The following MBP variants were observed in gnomAD, a reference collection of about 807,000 sequenced individuals.
The protein encoded by MBP is Golli-MBP.
Under a neutral mutation model 35.8 loss-of-function variants are expected in MBP, and 16 were observed. That is an observed-to-expected ratio of 0.45 (90% confidence interval 0.30 to 0.68). The LOEUF (loss-of-function observed/expected upper bound fraction) is 0.68. Ranked by LOEUF, MBP falls within the 30% of genes least tolerant of loss-of-function variation. The pLI is 0.08. For synonymous variants in MBP, 143 were observed against 159.6 expected, an observed-to-expected ratio of 0.90 and a Z score of 0.78; for missense variants, 380 against 404.7, an observed-to-expected ratio of 0.94 and a Z score of 0.52.
chr18:77,061,800 C>T (rs1973995391), intron 3 of MBP, among the ~76,000 whole-genome samples: 1 of 152,218 alleles, frequency 6.6e-6, no homozygotes, highest in Admixed American at 6.5e-5. Context: ...AACACGCACA[C>T]ACCAATATAT....
At chr18:76,996,517 C>A (rs1184057611) in intron 4 of MBP, among the ~76,000 whole-genome samples, 3 of 152,196 alleles carry the variant, frequency 2.0e-5, no homozygotes, top group Non-Finnish European at 1.5e-5. Context: ...TGTGCTGTAT[C>A]CAGGCATGAA....
At chr18:77,002,350 G>A (rs745886698) in intron 4 of MBP, among the ~76,000 whole-genome samples, 22 of 152,234 alleles carry the variant, frequency 1.4e-4, no homozygotes, top group African/African-American at 5.3e-4. Context: ...TGTCATTGCA[G>A]AATGACACGT....
Position 77,029,012 on chromosome 18 carries a change from G to A in MBP, c.140-11744C>T, listed in dbSNP as rs1416513271. Among the ~76,000 whole-genome samples the A allele has an allele frequency of 3.6e-5, 4 of 110,022 alleles. 1 individual carries two copies. Among genetic ancestry groups the A allele is most frequent in the African/African-American group, 1.1e-4 (4 of 38,002 alleles). 72.2% of individuals were successfully genotyped at this position (110,022 alleles called of 152,430 possible). A position where few individuals can be genotyped will look rare whatever the true frequency, so the allele number is the denominator to read the frequency against. On this transcript the variant is annotated intron_variant, in intron 3 of 8. Coordinates refer to ENST00000355994, the MANE Select transcript of MBP (RefSeq NM_001025101.2). The stretch of plus-strand genomic sequence containing the variant: ...CTCCTCACTTCCCAGACGGGGTGGC[G>A]GCCGGGCAGAGGCTGCAATCTCGGC...
chr18:77,013,869 G>C (rs1971480587), intron 4 of MBP: 2 of 985,308 alleles, frequency 2.0e-6, no homozygotes, highest in African/African-American at 3.5e-5. Context: ...AAAAAGGAAG[G>C]AACGGTTTCC....
At chr18:77,090,144 G>T (rs2145013158) in intron 2 of MBP, among the ~76,000 whole-genome samples, 1 of 152,330 alleles carries the variant, frequency 6.6e-6, no homozygotes, top group Non-Finnish European at 1.5e-5. Flanking sequence ...TTAAACGAAG[G>T]TGTAAACTGG....
chr18:77,051,113 A>G (rs987659552), intron 3 of MBP, among the ~76,000 whole-genome samples: 1 of 152,216 alleles, frequency 6.6e-6, no homozygotes, highest in African/African-American at 2.4e-5. Context: ...AGATTCTATT[A>G]TCTAGGTGGG....
chr18:77,027,296 G>A (rs887617981), intron 3 of MBP, among the ~76,000 whole-genome samples: 1 of 152,202 alleles, frequency 6.6e-6, no homozygotes, highest in African/African-American at 2.4e-5. Flanking sequence ...GAAAGGCTAT[G>A]GAATACACTT....
At chr18:77,056,139 G>GC (rs76996813) in intron 3 of MBP, among the ~76,000 whole-genome samples, 15,313 of 152,238 alleles carry the variant, frequency 0.1, 1,031 homozygotes, top group Middle Eastern at 0.16. Context: ...GACCCCGTGC[G>GC]CCCGGGGCTG....
At chr18:77,103,235 A>G (rs1487997497) in intron 2 of MBP, among the ~76,000 whole-genome samples, 1 of 152,222 alleles carries the variant, frequency 6.6e-6, no homozygotes, top group Non-Finnish European at 1.5e-5. Flanking sequence ...TTCCAAGTTT[A>G]TTATTACTAT....
chr18:77,060,174 C>T (rs1365063964), intron 3 of MBP, among the ~76,000 whole-genome samples: 1 of 152,172 alleles, frequency 6.6e-6, no homozygotes, highest in Non-Finnish European at 1.5e-5. Context: ...TTTTCTCTAA[C>T]CTCCTGCCCT....
intron 1 of MBP, among the ~76,000 whole-genome samples, chr18:77,116,249 G>C (rs991842287): frequency 6.6e-6 from 1 of 152,208 alleles, no homozygotes; most frequent in Non-Finnish European, 1.5e-5. Flanking sequence ...GCAATGTGTG[G>C]TCATTAACCT....
chr18:77,112,169 GCACACACA>G (rs6146398), intron 1 of MBP, among the ~76,000 whole-genome samples: 6 of 150,874 alleles, frequency 4.0e-5, no homozygotes, highest in East Asian at 2.0e-4. Context: ...CCGTGCACAC[GCACACACA>G]CACACACACA....
rs1171090301 is a variant in MBP, at chr18:77,028,609, C to T, written c.140-11341G>A. On this transcript the variant is annotated intron_variant, in intron 3 of 8. Transcript: ENST00000355994. ...TCACCTCCCGGACGGGGCGGCTGGCCGGGCGGGGGGCTGACCCCCCCCCAC... is the reference window on the plus strand; with the variant it reads ...TCACCTCCCGGACGGGGCGGCTGGCTGGGCGGGGGGCTGACCCCCCCCCAC... Among the ~76,000 whole-genome samples the T allele has an allele frequency of 1.9e-3, 142 of 73,652 alleles. 18 individuals are homozygous for T. The highest frequency in any genetic ancestry group is 4.5e-3 in the African/African-American group (122 of 27,032). 48.3% of individuals were successfully genotyped at this position (73,652 alleles called of 152,430 possible). A position where few individuals can be genotyped will look rare whatever the true frequency, so the allele number is the denominator to read the frequency against.
chr18:77,017,393 A>G, intron 3 of MBP, 125 bp from the exon 4 acceptor site: 1 of 849,252 alleles, frequency 1.2e-6, no homozygotes, highest in Non-Finnish European at 1.6e-6. Context: ...TGCAGTCCTC[A>G]TAAAGCCCTT....
At chr18:77,022,332 A>G (rs1474355539) in intron 3 of MBP, among the ~76,000 whole-genome samples, 1 of 152,144 alleles carries the variant, frequency 6.6e-6, no homozygotes, top group Non-Finnish European at 1.5e-5. Flanking sequence ...TGTGCCTGAA[A>G]AATAGGTCAC....
At chr18:77,019,131 G>C (rs900060701) in intron 3 of MBP, among the ~76,000 whole-genome samples, 6 of 152,000 alleles carry the variant, frequency 3.9e-5, no homozygotes, top group Non-Finnish European at 8.8e-5. Flanking sequence ...AAATATCTGA[G>C]TTACAGTGAT....
intron 1 of MBP, among the ~76,000 whole-genome samples, chr18:77,128,489 T>C (rs984803880): frequency 1.3e-5 from 2 of 150,380 alleles, no homozygotes; most frequent in African/African-American, 2.5e-5. Context: ...ACATGGGTGA[T>C]AAAATTACAG....
chr18:77,027,240 A>G (rs1568299963), intron 3 of MBP, among the ~76,000 whole-genome samples: 1 of 152,230 alleles, frequency 6.6e-6, no homozygotes, highest in South Asian at 2.1e-4. Context: ...TAATTTCACA[A>G]AAGAATTTTG....
intron 4 of MBP, among the ~76,000 whole-genome samples, chr18:76,993,237 G>A (rs1447573438): frequency 2.0e-5 from 3 of 152,186 alleles, no homozygotes; most frequent in Non-Finnish European, 2.9e-5. Flanking sequence ...GAGAGGTTTT[G>A]AATGCATGAG....
Sources: gnomAD v4.1 joint callset for allele counts (sites outside exome capture counted in the v4.1 genomes callset) on GRCh38, gnomAD v4.1.1 for gene constraint, MANE v1.5 for transcripts, NCBI Gene and HGNC (gene_info 2026-07-23, HGNC 2026-07-21) for gene names.